Variants in EVL observed in about 807,000 individuals in gnomAD.
EVL encodes the protein Enah/Vasp-like, also known as ena/VASP-like protein.
A neutral mutation model predicts 59.6 loss-of-function variants in EVL; 21 were observed. The observed-to-expected ratio is 0.35, with a 90% CI of 0.25 to 0.51. EVL has a LOEUF of 0.51. Among genes scored for constraint, EVL ranks in the 20% least tolerant of loss-of-function variants. The pLI, the probability that EVL is intolerant of heterozygous loss-of-function variation, is 0.97. For missense variants in EVL, 462 were observed against 546.6 expected (o/e 0.85, Z 1.54); for synonymous variants, 198 against 203.5 (o/e 0.97, Z 0.23).
rs1320948786 is a variant in EVL at position 100,130,556 on chromosome 14, G to T, written c.839+872G>T. ...TTGTCGCCTTCTCCTGGCCCTCCCA[G>T]CTGCCTTCCAATTGGCTGACCCAAG... On this transcript the variant is annotated intron_variant, in intron 7 of 13. Transcript: ENST00000392920. The surrounding 1 kb of genome is among the most constrained non-coding windows in gnomAD (Gnocchi z 4.8). Among the ~76,000 whole-genome samples the T allele has an allele frequency of 1.3e-5, 2 of 152,158 alleles. No individual in the cohort carries two copies. Among genetic ancestry groups the T allele is most frequent in the African/African-American group, 4.8e-5 (2 of 41,440 alleles).
At chr14:100,095,133 A>G (rs184546347) in intron 2 of EVL, among the ~76,000 whole-genome samples, 3 of 152,376 alleles carry the variant, frequency 2.0e-5, no homozygotes, top group Non-Finnish European at 2.9e-5. Flanking sequence ...TCATTTCCCC[A>G]GAATATCTCC....
chr14:100,026,586 G>T (rs2061217582), intron 1 of EVL, among the ~76,000 whole-genome samples: 1 of 152,110 alleles, frequency 6.6e-6, no homozygotes, highest in Admixed American at 6.5e-5. Flanking sequence ...CAGAGGGCTT[G>T]GGGTAGAATG....
intron 1 of EVL, among the ~76,000 whole-genome samples, chr14:100,035,883 A>C (rs1182801791): frequency 1.3e-5 from 2 of 152,182 alleles, no homozygotes; most frequent in Non-Finnish European, 2.9e-5. Flanking sequence ...CCTAGGGGGC[A>C]GCACATGACC....
At chr14:100,141,969 G>A (rs1021046705) in intron 13 of EVL, 176 bp downstream of exon 13, 16 of 529,218 alleles carry the variant, frequency 3.0e-5, no homozygotes, top group Admixed American at 2.9e-4. Context: ...AAAGCTGAAA[G>A]CTAAGTGGCT....
chr14:100,050,334 G>A (rs1254388651), intron 1 of EVL, among the ~76,000 whole-genome samples: 2 of 145,064 alleles, frequency 1.4e-5, no homozygotes, highest in Non-Finnish European at 3.0e-5. Flanking sequence ...AAAAATTTGT[G>A]TATTTCATTT....
At chr14:100,014,862 G>T (rs907502951) in intron 1 of EVL, among the ~76,000 whole-genome samples, 1 of 152,124 alleles carries the variant, frequency 6.6e-6, no homozygotes, top group Non-Finnish European at 1.5e-5. Context: ...TCTTATTACC[G>T]CTCAGCCCCC....
rs549983512 is a variant in EVL at position 99,972,730 on chromosome 14, C to A, written c.5+673C>A. The stretch of plus-strand genomic sequence containing the variant: ...TAAAACCTTGCTTCTGCCAGAAGCC[C>A]GGTGCCCTCTCCCAGTCGCTAAACC... On this transcript the variant is annotated intron_variant, in intron 1 of 13. Transcript: ENST00000402714. The surrounding 1 kb of genome is among the most constrained non-coding windows in gnomAD (Gnocchi z 4.4). Among the ~76,000 whole-genome samples, 1 of 152,074 alleles carries A rather than the reference C, an allele frequency of 6.6e-6. No homozygotes were observed. The highest frequency in any genetic ancestry group is 1.5e-5 in the Non-Finnish European group (1 of 68,004).
intron 1 of EVL, among the ~76,000 whole-genome samples, chr14:100,005,980 C>CTT (rs1183782571): frequency 7.0e-6 from 1 of 142,998 alleles, no homozygotes; most frequent in Non-Finnish European, 1.5e-5. Context: ...AAAATCTTTC[C>CTT]TTTTTTTTTT....
chr14:100,065,360 T>G (rs1258160937), upstream of EVL: 1 of 914,902 alleles, frequency 1.1e-6, no homozygotes, highest in Non-Finnish European at 1.4e-6. Context: ...CTGGTTCAGC[T>G]TCCTTTTCCT....
At chr14:100,139,531 C>A (rs528369312) in intron 11 of EVL, 1 of 152,234 alleles carries the variant, frequency 6.6e-6, no homozygotes, top group South Asian at 2.1e-4. Flanking sequence ...GCCTGAAGGA[C>A]CCAGGGCCCT....
At chr14:100,003,108 T>C (rs1012464594) in intron 1 of EVL, among the ~76,000 whole-genome samples, 5 of 152,198 alleles carry the variant, frequency 3.3e-5, no homozygotes, top group Non-Finnish European at 7.3e-5. Flanking sequence ...ACTGAACTTA[T>C]TTTATCTCTC....
chr14:100,007,872 A>G (rs184420163), intron 1 of EVL, among the ~76,000 whole-genome samples: 7 of 152,290 alleles, frequency 4.6e-5, no homozygotes, highest in South Asian at 4.1e-4. Context: ...CCCTCCCACT[A>G]TTAGGTGTAG....
At chr14:100,095,080 T>A (rs1182838303) in intron 2 of EVL, among the ~76,000 whole-genome samples, 2 of 151,960 alleles carry the variant, frequency 1.3e-5, no homozygotes, top group South Asian at 2.1e-4. Context: ...GTACTAAAAA[T>A]TTTTTTTGTT....
intron 1 of EVL, among the ~76,000 whole-genome samples, chr14:99,991,938 C>T (rs1009803614): frequency 4.8e-5 from 7 of 145,172 alleles, no homozygotes; most frequent in Non-Finnish European, 1.0e-4. Context: ...ACCCTAACCC[C>T]TGCATTGTTT....
intron 1 of EVL, among the ~76,000 whole-genome samples, chr14:100,046,214 C>T (rs896641191): frequency 2.0e-5 from 3 of 152,236 alleles, no homozygotes; most frequent in Non-Finnish European, 4.4e-5. Context: ...AGTGTCATGT[C>T]GGCATTCAGA....
At chr14:100,097,756 CTGCATTGAGCTGAGGT>C in intron 3 of EVL, 98 bp downstream of exon 3, 1 of 1,129,662 alleles carries the variant, frequency 8.9e-7, no homozygotes, top group South Asian at 1.6e-5. Flanking sequence ...AGCACTGTCA[CTGCATTGAGCTGAGGT>C]TGCATGTGTT....
chr14:100,014,037 C>T (rs965880576), intron 1 of EVL, among the ~76,000 whole-genome samples: 2 of 152,146 alleles, frequency 1.3e-5, no homozygotes, highest in Non-Finnish European at 2.9e-5. Flanking sequence ...TGCTGACATT[C>T]CAGTTATACT....
chr14:100,128,773 G>A (rs745987828), intron 6 of EVL, 25 bp downstream of exon 6: 1 of 1,587,992 alleles, frequency 6.3e-7, no homozygotes, highest in Non-Finnish European at 8.6e-7. Flanking sequence ...GTGCGGGGTG[G>A]GAATGGGACC....
intron 9 of EVL, among the ~76,000 whole-genome samples, chr14:100,136,931 C>T (rs1009320994): frequency 6.6e-6 from 1 of 152,168 alleles, no homozygotes; most frequent in Non-Finnish European, 1.5e-5. Flanking sequence ...GCGCCTGTCC[C>T]AGAAGGTGGC....
Sources: gnomAD v4.1 joint callset for allele counts (sites outside exome capture counted in the v4.1 genomes callset) on GRCh38, gnomAD v4.1.1 for gene constraint, Gnocchi (gnomAD v3.1) non-coding constraint, MANE v1.5 for transcripts, NCBI Gene and HGNC (gene_info 2026-07-23, HGNC 2026-07-21) for gene names.